The following FMN1 variants were observed in gnomAD, a reference collection of about 807,000 sequenced individuals.
FMN1 encodes the protein formin 1.
Under a neutral mutation model 132.4 loss-of-function variants are expected in FMN1, and 110 were observed. The ratio of observed to expected loss-of-function variants is 0.83; its 90% CI spans 0.71 to 0.97. The LOEUF (loss-of-function observed/expected upper bound fraction) is 0.97. FMN1 is among the 50% of genes least tolerant of loss of function. FMN1 has a pLI of 0.00. For synonymous variants in FMN1, 722 were observed against 651.7 expected (o/e 1.11, Z -1.64); for missense variants, 1,792 against 1,705.3 (o/e 1.05, Z -0.90).
At chr15:33,058,021 AGTGGAAAGGCGTGGCGGGCTGGTG>A (rs1566875061) in intron 6 of FMN1, among the ~76,000 whole-genome samples, 3 of 140,884 alleles carry the variant, frequency 2.1e-5, no homozygotes, top group East Asian at 2.0e-4. Context: ...CGGGGCTGGT[AGTGGAAAGGCGTGGCGGGCTGGTG>A]GTGGAAAGGT....
At chr15:33,117,567 C>T (rs562369094) in intron 4 of FMN1, among the ~76,000 whole-genome samples, 1 of 152,270 alleles carries the variant, frequency 6.6e-6, no homozygotes, top group East Asian at 1.9e-4. Flanking sequence ...GCTCCTTGCA[C>T]CTCAATAAAC....
intron 6 of FMN1, among the ~76,000 whole-genome samples, chr15:33,055,926 T>G (rs141456768): frequency 2.6e-5 from 4 of 152,266 alleles, no homozygotes; most frequent in Admixed American, 2.0e-4. Flanking sequence ...TCATTAAAAT[T>G]AAGTGACTCA....
chr15:33,126,362 C>T (rs1963068065), intron 4 of FMN1, among the ~76,000 whole-genome samples: 1 of 152,136 alleles, frequency 6.6e-6, no homozygotes, highest in African/African-American at 2.4e-5. Flanking sequence ...GCAGGCAGTC[C>T]AGCAGAGCAG....
chr15:33,138,351 C>T (rs1271483221), intron 4 of FMN1, among the ~76,000 whole-genome samples: 2 of 152,168 alleles, frequency 1.3e-5, no homozygotes, highest in Non-Finnish European at 2.9e-5. Flanking sequence ...TCCTTATCCT[C>T]ACTAGCTTCA....
At chr15:33,009,384 G>A (rs776097441) in intron 6 of FMN1, among the ~76,000 whole-genome samples, 6 of 152,068 alleles carry the variant, frequency 3.9e-5, no homozygotes, top group Admixed American at 1.3e-4. Context: ...GGTTTTTCAC[G>A]CAATTAGAGT....
chr15:33,063,867 T>C (rs2037595952), intron 6 of FMN1: 1 of 152,214 alleles, frequency 6.6e-6, no homozygotes, highest in Non-Finnish European at 1.5e-5. Flanking sequence ...CTTACACAAT[T>C]ATGATTTTTG....
At chr15:32,907,343 T>C (rs2060451831) in intron 12 of FMN1, among the ~76,000 whole-genome samples, 1 of 148,138 alleles carries the variant, frequency 6.8e-6, no homozygotes, top group South Asian at 2.2e-4. Flanking sequence ...AATCATTAGA[T>C]TCTCATAAGG....
chr15:33,069,991 C>CTTTTTTTTTTTTT, intron 5 of FMN1, among the ~76,000 whole-genome samples: 1 of 59,552 alleles, frequency 1.7e-5, no homozygotes, highest in African/African-American at 4.9e-5. Flanking sequence ...ATCAGTCTTT[C>CTTTTTTTTTTTTT]TCTTTTTTTT....
At chr15:32,957,298 C>CTTT (rs869111673) in intron 9 of FMN1, among the ~76,000 whole-genome samples, 18,974 of 83,796 alleles carry the variant, frequency 0.23, 4,606 homozygotes, top group East Asian at 0.35. Context: ...CAGAGCAGTT[C>CTTT]TTTTTTTTTT....
chr15:32,914,084 G>A (rs1018513527), intron 10 of FMN1, among the ~76,000 whole-genome samples: 2 of 152,098 alleles, frequency 1.3e-5, no homozygotes, highest in African/African-American at 2.4e-5. Flanking sequence ...AGATTATACC[G>A]CTTGCCTGAA....
At chr15:33,021,035 G>A (rs2035391444) in intron 6 of FMN1, among the ~76,000 whole-genome samples, 2 of 152,194 alleles carry the variant, frequency 1.3e-5, no homozygotes, top group African/African-American at 4.8e-5. Context: ...CTGACGTGAT[G>A]TAAGGAGGGA....
chr15:32,998,948 C>T (rs1218890627), intron 7 of FMN1, among the ~76,000 whole-genome samples: 1 of 152,136 alleles, frequency 6.6e-6, no homozygotes, highest in Non-Finnish European at 1.5e-5. Flanking sequence ...AATTCAAGTC[C>T]AAATGTACCT....
At chr15:32,828,689 C>T (rs986220517) in intron 17 of FMN1, among the ~76,000 whole-genome samples, 2 of 152,174 alleles carry the variant, frequency 1.3e-5, no homozygotes, top group African/African-American at 4.8e-5. Context: ...AATATTGTCA[C>T]GACTCAGACA....
intron 6 of FMN1, among the ~76,000 whole-genome samples, chr15:33,060,553 G>T (rs1490336509): frequency 2.6e-5 from 4 of 152,206 alleles, no homozygotes; most frequent in African/African-American, 9.7e-5. Flanking sequence ...TCTGAGGAAA[G>T]ATGTGTCTGC....
intron 5 of FMN1, among the ~76,000 whole-genome samples, chr15:33,071,987 T>C (rs1361239625): frequency 1.3e-5 from 2 of 152,180 alleles, no homozygotes; most frequent in East Asian, 1.9e-4. Flanking sequence ...CTTTACAACC[T>C]ACCTCAACTG....
intron 3 of FMN1, among the ~76,000 whole-genome samples, chr15:33,157,993 CAAAAAAAA>C (rs71756813): frequency 7.3e-5 from 9 of 123,500 alleles, no homozygotes; most frequent in South Asian, 2.5e-4. Context: ...CCCTGTCTTT[CAAAAAAAA>C]AAAAAAAAAG....
In FMN1 at chr15:32,956,824, T is replaced by C. The variant is rs139013223; in HGVS notation, c.3138+7283A>G. ...GAAATAATATAAACTTGGAAAGCAA[T>C]AGGTTATGAAAACCCTATAAATTTA... On this transcript the variant is annotated intron_variant, in intron 9 of 20. Transcript: ENST00000616417. Among the ~76,000 whole-genome samples the C allele has an allele frequency of 1.5e-3, 231 of 152,286 alleles. 1 individual carries two copies. The highest frequency in any genetic ancestry group is 5.3e-3 in the African/African-American group (220 of 41,544).
chr15:33,127,613 T>C (rs753273958), intron 4 of FMN1, among the ~76,000 whole-genome samples: 1 of 149,180 alleles, frequency 6.7e-6, no homozygotes, highest in Non-Finnish European at 1.5e-5. Context: ...AAGACAGAAG[T>C]TAAAACACAA....
chr15:33,041,494 A>T (rs2036437811), intron 6 of FMN1, among the ~76,000 whole-genome samples: 1 of 151,372 alleles, frequency 6.6e-6, no homozygotes. Context: ...AAGACTGGAA[A>T]AAAATAGTTA....
Sources: allele counts gnomAD v4.1 joint callset (sites outside exome capture counted in the v4.1 genomes callset), GRCh38; gene constraint gnomAD v4.1.1; transcripts MANE v1.5; gene names NCBI Gene and HGNC (gene_info 2026-07-23, HGNC 2026-07-21).